KCNIP4: variants seen among roughly 807,000 people sequenced by gnomAD.
KCNIP4 encodes Kv channel-interacting protein 4.
In KCNIP4, 12 loss-of-function variants were observed where a neutral mutation model predicts 34.0. The ratio of observed to expected loss-of-function variants is 0.35; its 90% CI spans 0.23 to 0.57. KCNIP4 has a LOEUF of 0.57. KCNIP4 is among the 20% of genes least tolerant of loss of function. The pLI is 0.83. For missense variants in KCNIP4, 238 were observed against 311.7 expected (o/e 0.76, Z 1.78); for synonymous variants, 124 against 102.2 (o/e 1.21, Z -1.29).
At chr4:20,854,617 G>A (rs1258693882) in intron 2 of KCNIP4, among the ~76,000 whole-genome samples, 2 of 152,022 alleles carry the variant, frequency 1.3e-5, no homozygotes, top group Non-Finnish European at 2.9e-5. Context: ...AATACCACCT[G>A]TACCCCAATA....
At chr4:21,130,181 T>C (rs1037585306) in intron 1 of KCNIP4, among the ~76,000 whole-genome samples, 7 of 152,118 alleles carry the variant, frequency 4.6e-5, no homozygotes, top group African/African-American at 1.4e-4. Flanking sequence ...TTGTTAGTCT[T>C]GATGCTACAT....
chr4:21,935,342 C>T (rs1255103241), intron 1 of KCNIP4, among the ~76,000 whole-genome samples: 1 of 152,004 alleles, frequency 6.6e-6, no homozygotes, highest in Non-Finnish European at 1.5e-5. Flanking sequence ...TTGATTATGC[C>T]ATTATTGTCC....
At chr4:21,795,349 GAA>G (rs1440654871) in intron 1 of KCNIP4, among the ~76,000 whole-genome samples, 1 of 152,170 alleles carries the variant, frequency 6.6e-6, no homozygotes, top group Non-Finnish European at 1.5e-5. Context: ...AGAACTGTGA[GAA>G]AAACGTCTGT....
At position 21,579,571 on chromosome 4, in the gene KCNIP4, T is replaced by A. The variant is rs573830847; in HGVS notation, c.61+369000A>T. ...TGTTTATCCTCCCATGGATTGTTTCTCATCATAACTCTACATTCAGAATTC... is the reference window on the plus strand; with the variant it reads ...TGTTTATCCTCCCATGGATTGTTTCACATCATAACTCTACATTCAGAATTC... On this transcript the variant is annotated intron_variant, in intron 1 of 8. Transcript: ENST00000382152. Among the ~76,000 whole-genome samples the A allele has an allele frequency of 1.4e-4, 22 of 152,226 alleles. 1 individual carries two copies. Among genetic ancestry groups the A allele is most frequent in the African/African-American group, 5.3e-4 (22 of 41,542 alleles).
chr4:21,897,931 G>A (rs1053744953), intron 1 of KCNIP4, among the ~76,000 whole-genome samples: 2 of 152,188 alleles, frequency 1.3e-5, no homozygotes, highest in African/African-American at 4.8e-5. Context: ...GGCACGTGGT[G>A]TAGAGGGAGA....
intron 1 of KCNIP4, among the ~76,000 whole-genome samples, chr4:21,007,368 C>T (rs1738661475): frequency 6.6e-6 from 1 of 152,096 alleles, no homozygotes; most frequent in African/African-American, 2.4e-5. Context: ...GTCCATGTTC[C>T]AGGGTTTAGA....
At chr4:21,528,720 AAAGAAAGAAAGAAAGAAAGAAAG>A (rs1736244877) in intron 1 of KCNIP4, among the ~76,000 whole-genome samples, 1 of 3,678 alleles carries the variant, frequency 2.7e-4, no homozygotes, top group Non-Finnish European at 5.0e-4. Context: ...AGAAAGAAAG[AAAGAAAGAAAGAAAGAAAGAAAG>A]AAAGAAAGAA....
At chr4:21,144,256 T>C (rs1388362661) in intron 1 of KCNIP4, among the ~76,000 whole-genome samples, 1 of 152,212 alleles carries the variant, frequency 6.6e-6, no homozygotes, top group East Asian at 1.9e-4. Flanking sequence ...TTTGAACCAG[T>C]TGTAACATCC....
At chr4:21,340,117 A>G (rs1716604646) in intron 1 of KCNIP4, among the ~76,000 whole-genome samples, 1 of 152,170 alleles carries the variant, frequency 6.6e-6, no homozygotes, top group Non-Finnish European at 1.5e-5. Flanking sequence ...TTACTAACGA[A>G]TGAAAAGGCA....
intron 1 of KCNIP4, among the ~76,000 whole-genome samples, chr4:21,430,358 T>C (rs557332919): frequency 6.6e-6 from 1 of 151,326 alleles, no homozygotes; most frequent in Admixed American, 6.6e-5. Flanking sequence ...TCTCCCTTGA[T>C]AAGGGAGGGT....
chr4:20,772,853 C>G (rs1435548496), intron 3 of KCNIP4, among the ~76,000 whole-genome samples: 1 of 151,890 alleles, frequency 6.6e-6, no homozygotes, highest in African/African-American at 2.4e-5. Flanking sequence ...ATGCTAATCT[C>G]GAACTCCTGA....
intron 1 of KCNIP4, among the ~76,000 whole-genome samples, chr4:21,461,434 T>TC (rs72037957): frequency 6.6e-6 from 1 of 151,942 alleles, no homozygotes; most frequent in African/African-American, 2.4e-5. Context: ...TTTTTTTTTT[T>TC]CACACTTCAT....
chr4:21,301,642 A>T (rs1043437973), intron 1 of KCNIP4, among the ~76,000 whole-genome samples: 2 of 152,174 alleles, frequency 1.3e-5, no homozygotes, highest in African/African-American at 2.4e-5. Context: ...TTTTTTTAAG[A>T]AAGTTTCAGA....
chr4:21,460,444 G>C (rs969204936), intron 1 of KCNIP4, among the ~76,000 whole-genome samples: 3 of 152,012 alleles, frequency 2.0e-5, no homozygotes, highest in African/African-American at 7.3e-5. Context: ...AAATACCATA[G>C]ACTGCATGGC....
chr4:21,209,227 C>T (rs764768003), intron 1 of KCNIP4, among the ~76,000 whole-genome samples: 2 of 152,002 alleles, frequency 1.3e-5, no homozygotes, highest in Non-Finnish European at 2.9e-5. Flanking sequence ...TTAACATATC[C>T]GTCATCTTAA....
At chr4:21,025,452 G>A (rs1463267793) in intron 1 of KCNIP4, among the ~76,000 whole-genome samples, 2 of 132,058 alleles carry the variant, frequency 1.5e-5, no homozygotes, top group Non-Finnish European at 3.1e-5. Context: ...ACACCATTAT[G>A]GTGCATGTAG....
At chr4:20,923,603 T>A (rs1309017528) in intron 1 of KCNIP4, among the ~76,000 whole-genome samples, 1 of 152,188 alleles carries the variant, frequency 6.6e-6, no homozygotes, top group East Asian at 1.9e-4. Context: ...AAAGATTATA[T>A]ACTAGAGAAC....
At chr4:21,894,097 C>T (rs964195337) in intron 1 of KCNIP4, among the ~76,000 whole-genome samples, 21 of 151,774 alleles carry the variant, frequency 1.4e-4, no homozygotes, top group Middle Eastern at 3.4e-3. Flanking sequence ...TTTGGGAGGC[C>T]CAGGAAGACA....
chr4:21,033,472 C>T (rs917245231), intron 1 of KCNIP4, among the ~76,000 whole-genome samples: 3 of 152,132 alleles, frequency 2.0e-5, no homozygotes, highest in Admixed American at 1.3e-4. Context: ...AGTAAATATC[C>T]ATCGGTCTAT....
Sources: allele counts gnomAD v4.1 joint callset (sites outside exome capture counted in the v4.1 genomes callset), GRCh38; gene constraint gnomAD v4.1.1; transcripts MANE v1.5; gene names NCBI Gene and HGNC (gene_info 2026-07-23, HGNC 2026-07-21).